CDH13: variants seen among roughly 807,000 people sequenced by gnomAD.
CDH13 encodes cadherin 13.
A neutral mutation model predicts 63.8 loss-of-function variants in CDH13; 24 were observed. The ratio of observed to expected loss-of-function variants is 0.38; its 90% CI spans 0.27 to 0.53. The LOEUF is 0.53. CDH13 is among the 20% of genes least tolerant of loss of function. The pLI, the probability that CDH13 is intolerant of heterozygous loss-of-function variation, is 0.85. For missense variants in CDH13, 1,049 were observed against 903.1 expected, an observed-to-expected ratio of 1.16 and a Z score of -2.07; for synonymous variants, 503 against 355.3, an observed-to-expected ratio of 1.42 and a Z score of -4.67.
intron 2 of CDH13, among the ~76,000 whole-genome samples, chr16:82,994,133 T>C (rs1400703713): frequency 6.6e-6 from 1 of 152,112 alleles, no homozygotes; most frequent in African/African-American, 2.4e-5. Context: ...GATGTTCTAT[T>C]CCCCTTCTCT....
At chr16:82,909,623 C>T (rs2041764717) in intron 2 of CDH13, among the ~76,000 whole-genome samples, 1 of 152,058 alleles carries the variant, frequency 6.6e-6, no homozygotes, top group East Asian at 1.9e-4. Flanking sequence ...TGGTGGCAGG[C>T]AAGAGAGCTC....
chr16:82,746,903 T>C (rs2034200865), intron 1 of CDH13, among the ~76,000 whole-genome samples: 1 of 152,196 alleles, frequency 6.6e-6, no homozygotes, highest in African/African-American at 2.4e-5. Flanking sequence ...GTTAAGGACC[T>C]GATGTTGTGA....
rs12102975 is a variant in CDH13 at position 82,918,745 on chromosome 16, G to A, written c.157+60272G>A. ...GCTGGTCTTGAATTCCTGACCTCAG[G>A]TGATCTGCCTACCTCAACCCCCCGA... is the stretch of plus-strand genomic sequence containing the variant. On this transcript the variant is annotated intron_variant, in intron 2 of 13. Coordinates refer to ENST00000567109, the MANE Select transcript of CDH13 (RefSeq NM_001257.5). Among the ~76,000 whole-genome samples, 679 of 152,074 alleles carry A rather than the reference G, an allele frequency of 4.5e-3. 4 individuals are homozygous for A. Among genetic ancestry groups the A allele is most frequent in the African/African-American group, 0.016 (645 of 41,486 alleles).
chr16:83,630,539 A>T (rs1447621797), intron 8 of CDH13, among the ~76,000 whole-genome samples: 1 of 152,216 alleles, frequency 6.6e-6, no homozygotes, highest in Non-Finnish European at 1.5e-5. Context: ...CATTCTTTTG[A>T]GTCCTTGATC....
At chr16:82,943,214 T>A (rs1173760711) in intron 2 of CDH13, among the ~76,000 whole-genome samples, 4 of 152,102 alleles carry the variant, frequency 2.6e-5, no homozygotes, top group Non-Finnish European at 4.4e-5. Flanking sequence ...TGTTACAGAC[T>A]TTTTTTCTCA....
At chr16:83,359,348 C>A (rs2091117446) in intron 6 of CDH13, among the ~76,000 whole-genome samples, 1 of 152,144 alleles carries the variant, frequency 6.6e-6, no homozygotes, top group Non-Finnish European at 1.5e-5. Flanking sequence ...GTTCTGTGAG[C>A]AAGTAGATAT....
chr16:83,327,818 G>C (rs992375266), intron 5 of CDH13, among the ~76,000 whole-genome samples: 2 of 152,190 alleles, frequency 1.3e-5, no homozygotes, highest in East Asian at 3.9e-4. Context: ...ACCAGCAAAT[G>C]CAAAGACCCC....
At chr16:82,890,311 T>C (rs1174742540) in intron 2 of CDH13, among the ~76,000 whole-genome samples, 3 of 152,324 alleles carry the variant, frequency 2.0e-5, no homozygotes, top group Middle Eastern at 3.4e-3. Flanking sequence ...GAACAGTGTA[T>C]AGGCTGGAAA....
At chr16:83,397,155 T>TG (rs1485657036) in intron 6 of CDH13, among the ~76,000 whole-genome samples, 2 of 152,132 alleles carry the variant, frequency 1.3e-5, no homozygotes, top group African/African-American at 2.4e-5. Flanking sequence ...CCTCCTTCTT[T>TG]GGGGACACAC....
At chr16:83,226,390 C>T (rs528956577) in intron 5 of CDH13, among the ~76,000 whole-genome samples, 66 of 152,300 alleles carry the variant, frequency 4.3e-4, no homozygotes, top group African/African-American at 1.5e-3. Flanking sequence ...CTCTGAACTT[C>T]ATTAGCACAA....
chr16:83,061,816 T>C (rs116140799), intron 3 of CDH13, among the ~76,000 whole-genome samples: 2,513 of 152,268 alleles, frequency 0.017, 65 homozygotes, highest in African/African-American at 0.057. Context: ...CCCAGCAAAA[T>C]TGAAACGTAA....
Position 83,241,111 on chromosome 16 carries a change from C to A in CDH13, c.636+23614C>A, listed in dbSNP as rs1904402274. ...GTCCTTCTATGACTGGCTTATTTCA[C>A]TTTGCATAATGCACTTGAGGTTCAT... On this transcript the variant is annotated intron_variant, in intron 5 of 13. Coordinates refer to ENST00000567109, the MANE Select transcript of CDH13 (RefSeq NM_001257.5). Among the ~76,000 whole-genome samples, 3 of 152,182 alleles carry A rather than the reference C, an allele frequency of 2.0e-5. No homozygotes were observed. In the South Asian group the frequency reaches 6.2e-4, roughly 32 times the overall value.
At position 83,686,356 on chromosome 16, in the gene CDH13, T is replaced by C. The variant is rs938604097; in HGVS notation, c.1538+7895T>C. The stretch of plus-strand genomic sequence containing the variant: ...AGCCACCAGAGCTTCCTCAGTACCA[T>C]TGAGTTAGTTAAGCACTTTAGGCAC... On this transcript the variant is annotated intron_variant, in intron 10 of 13. Transcript: ENST00000567109. 3.9e-5 allele frequency among the ~76,000 whole-genome samples: 6 copies of C among 152,194 alleles called. No individual in the cohort carries two copies. The South Asian group carries it at 6.2e-4, about 16-fold the overall frequency.
chr16:83,187,567 G>C (rs994401954), intron 4 of CDH13, among the ~76,000 whole-genome samples: 1 of 152,054 alleles, frequency 6.6e-6, no homozygotes, highest in Admixed American at 6.5e-5. Context: ...TCCCAGGCAG[G>C]GGTGTTTTTT....
chr16:83,175,503 A>G (rs1008029421), intron 4 of CDH13, among the ~76,000 whole-genome samples: 2 of 152,148 alleles, frequency 1.3e-5, no homozygotes, highest in African/African-American at 2.4e-5. Context: ...GAGAAACTGT[A>G]TGGGGATGGG....
chr16:83,013,724 A>G (rs1914393929), intron 2 of CDH13, among the ~76,000 whole-genome samples: 1 of 152,236 alleles, frequency 6.6e-6, no homozygotes, highest in Non-Finnish European at 1.5e-5. Flanking sequence ...TGATTCATTT[A>G]TAAAATATCT....
At position 83,585,627 on chromosome 16, in the gene CDH13, G is replaced by T. The variant is rs372914628; in HGVS notation, c.961-16827G>T. ...ATGGAAGCTGTCAGAGTCCACAGGG[G>T]TGGGTGGAACCAAAGCTGGAGGAAT... On this transcript the variant is annotated intron_variant, in intron 7 of 13. Coordinates refer to ENST00000567109, the MANE Select transcript of CDH13 (RefSeq NM_001257.5). Among the ~76,000 whole-genome samples the T allele has an allele frequency of 2.6e-5, 4 of 152,180 alleles. No individual in the cohort carries two copies. In the South Asian group the frequency reaches 8.3e-4, roughly 32 times the overall value.
At chr16:83,283,406 C>T (rs999916245) in intron 5 of CDH13, among the ~76,000 whole-genome samples, 6 of 152,164 alleles carry the variant, frequency 3.9e-5, no homozygotes, top group Non-Finnish European at 7.4e-5. Flanking sequence ...GCCTGGCCAA[C>T]ATGGTGAAAC....
At chr16:82,679,499 G>A (rs751054659) in intron 1 of CDH13, among the ~76,000 whole-genome samples, 3 of 152,158 alleles carry the variant, frequency 2.0e-5, no homozygotes, top group African/African-American at 4.8e-5. Context: ...GAAAAATAAC[G>A]CCTGGTAAGA....
Sources: gnomAD v4.1 joint callset for allele counts (sites outside exome capture counted in the v4.1 genomes callset) on GRCh38, gnomAD v4.1.1 for gene constraint, MANE v1.5 for transcripts, NCBI Gene and HGNC (gene_info 2026-07-23, HGNC 2026-07-21) for gene names.